RFX2: variants seen among roughly 807,000 people sequenced by gnomAD.
The protein encoded by RFX2 is DNA-binding protein RFX2.
In RFX2, 20 loss-of-function variants were observed where a neutral mutation model predicts 87.8. The observed-to-expected ratio is 0.23, with a 90% CI of 0.16 to 0.33. RFX2 has a LOEUF of 0.33. Among genes scored for constraint, RFX2 ranks in the 10% least tolerant of loss-of-function variants. The pLI is 1.00. For missense variants in RFX2, 767 were observed against 1,012.3 expected, an observed-to-expected ratio of 0.76 and a Z score of 3.29; for synonymous variants, 397 against 431.3, an observed-to-expected ratio of 0.92 and a Z score of 0.98.
At position 6,027,229 on chromosome 19, in the gene RFX2, T is replaced by C. The variant is rs557874953; in HGVS notation, c.523-992A>G. On this transcript the variant is annotated intron_variant, in intron 5 of 17. Transcript: ENST00000303657. The surrounding 1 kb of genome is among the most constrained non-coding windows in gnomAD (Gnocchi z 5.0). Reference sequence around the variant, plus strand: ...AGAGAGCAGGCGAGCGGAGCTGAGTTCAAGAATGAGAGGGTAACTGCTTCT... The same window carrying C: ...AGAGAGCAGGCGAGCGGAGCTGAGTCCAAGAATGAGAGGGTAACTGCTTCT... The C allele has an allele frequency of 6.6e-6, 1 of 152,246 alleles. No homozygotes were observed. Among genetic ancestry groups the C allele is most frequent in the South Asian group, 2.1e-4 (1 of 4,816 alleles). The allele number at this position is 152,246 out of a possible 1,614,324, so 9.4% of individuals were successfully genotyped here. A position where few individuals can be genotyped will look rare whatever the true frequency, so the allele number is the denominator to read the frequency against.
chr19:6,022,970 C>T lies in RFX2; in HGVS notation c.597+3193G>A, dbSNP rs1316476530. ...AGCTCCGCGGAACACGTGGCCAGCTCCGCTCAGAGATGTCTGTGAGGGGTT... is the reference window on the plus strand; with the variant it reads ...AGCTCCGCGGAACACGTGGCCAGCTTCGCTCAGAGATGTCTGTGAGGGGTT... On this transcript the variant is annotated intron_variant, in intron 6 of 17. Transcript: ENST00000303657. The surrounding 1 kb of genome is among the most constrained non-coding windows in gnomAD (Gnocchi z 6.2). The T allele has an allele frequency of 1.3e-5, 2 of 152,366 alleles. No individual in the cohort carries two copies. The highest frequency in any genetic ancestry group is 4.8e-5 in the African/African-American group (2 of 41,460). 9.4% of individuals were successfully genotyped at this position (152,366 alleles called of 1,614,324 possible). A position where few individuals can be genotyped will look rare whatever the true frequency, so the allele number is the denominator to read the frequency against.
chr19:6,095,196 T>C (rs1288417375), intron 1 of RFX2, among the ~76,000 whole-genome samples: 2 of 152,252 alleles, frequency 1.3e-5, no homozygotes, highest in African/African-American at 4.8e-5. Context: ...GTTATGTTTC[T>C]TTATTGGCCG....
rs187180168 is a variant in RFX2, at chr19:6,021,127, A to G, written c.598-4856T>C. On this transcript the variant is annotated intron_variant, in intron 6 of 17. Transcript: ENST00000303657. This position sits in a 1 kb window ranked among gnomAD's most constrained non-coding sequence, Gnocchi z 5.7. The stretch of plus-strand genomic sequence containing the variant: ...ATTCCTGGGGGCAAATTTGCCTGAC[A>G]CTGGCTCCTGGTGGTGAGTTAGAGT... 7.3e-4 allele frequency among the ~76,000 whole-genome samples: 111 copies of G among 152,258 alleles called. 1 individual carries two copies. In the East Asian group the frequency reaches 0.02, roughly 28 times the overall value.
chr19:6,038,194 G>A (rs971067315), intron 5 of RFX2, among the ~76,000 whole-genome samples: 2 of 151,836 alleles, frequency 1.3e-5, no homozygotes, highest in Admixed American at 6.6e-5. Flanking sequence ...GGGTGTGGTG[G>A]TACACACCTG....
In RFX2 at chr19:6,021,194, C is replaced by T. The variant is rs2086806389; in HGVS notation, c.598-4923G>A. 6.6e-6 allele frequency among the ~76,000 whole-genome samples: 1 copy of T among 152,224 alleles called. No homozygotes were observed. The highest frequency in any genetic ancestry group is 1.5e-5 in the Non-Finnish European group (1 of 68,048). ...CTAGCAGCTCGGGCAGCTATTCCAA[C>T]CGTCCAGGTGTGCCCTGTGTTGACA... is the stretch of plus-strand genomic sequence containing the variant. On this transcript the variant is annotated intron_variant, in intron 6 of 17. Transcript: ENST00000303657. This position sits in a 1 kb window ranked among gnomAD's most constrained non-coding sequence, Gnocchi z 5.7.
rs1327008123 is a variant in RFX2, at chr19:6,017,593, C to T, written c.598-1322G>A. Among the ~76,000 whole-genome samples, 2 of 152,216 alleles carry T rather than the reference C, an allele frequency of 1.3e-5. No individual in the cohort carries two copies. Among genetic ancestry groups the T allele is most frequent in the Non-Finnish European group, 2.9e-5 (2 of 68,030 alleles). On this transcript the variant is annotated intron_variant, in intron 6 of 17. Transcript: ENST00000303657. The surrounding 1 kb of genome is among the most constrained non-coding windows in gnomAD (Gnocchi z 4.1). ...AGTCCAGATCCCATGTCAAGAGCGT[C>T]GGGGGAAACCAGCTGTCTCTACCTG...
At chr19:6,038,691 T>G (rs2144760102) in intron 5 of RFX2, among the ~76,000 whole-genome samples, 1 of 150,810 alleles carries the variant, frequency 6.6e-6, no homozygotes, top group South Asian at 2.1e-4. Flanking sequence ...AAGTGACACC[T>G]GACCAGAGCA....
chr19:6,030,143 A>G (rs866598588), intron 5 of RFX2, among the ~76,000 whole-genome samples: 1 of 152,230 alleles, frequency 6.6e-6, no homozygotes, highest in South Asian at 2.1e-4. Context: ...AACTAAATCT[A>G]TACACTCAAC....
chr19:6,063,831 C>A lies in RFX2; in HGVS notation c.-8-16327G>T, dbSNP rs912505220. Among the ~76,000 whole-genome samples, 1 of 152,208 alleles carries A rather than the reference C, an allele frequency of 6.6e-6. No individual in the cohort carries two copies. The highest frequency in any genetic ancestry group is 2.4e-5 in the African/African-American group (1 of 41,458). On this transcript the variant is annotated intron_variant, in intron 1 of 17. Transcript: ENST00000303657. This position sits in a 1 kb window ranked among gnomAD's most constrained non-coding sequence, Gnocchi z 4.0. The stretch of plus-strand genomic sequence containing the variant: ...CTCCATGCCAGGAAACCCCCCGACC[C>A]CTGTCTGACAGCCACAAATGTCTCC...
At chr19:6,000,283 C>T (rs544259012) in intron 15 of RFX2, among the ~76,000 whole-genome samples, 59 of 152,270 alleles carry the variant, frequency 3.9e-4, no homozygotes, top group African/African-American at 1.4e-3. Context: ...CTGCGCCCGG[C>T]CAGGCAAACT....
At chr19:6,031,315 AAG>A in intron 5 of RFX2, among the ~76,000 whole-genome samples, 1 of 152,194 alleles carries the variant, frequency 6.6e-6, no homozygotes, top group Admixed American at 6.5e-5. Context: ...CACAATAGTA[AAG>A]AGATGTGTGC....
At chr19:6,049,470 C>T (rs1805079236) in intron 1 of RFX2, among the ~76,000 whole-genome samples, 1 of 152,214 alleles carries the variant, frequency 6.6e-6, no homozygotes, top group African/African-American at 2.4e-5. Context: ...AATGCACCTT[C>T]CAGAAAGCAA....
rs11666695 is a variant in RFX2, at chr19:6,044,714, C to T, written c.91-432G>A. ...TGCTGGGGCCCTCTGGATAGCCATC[C>T]GCACCACTGCGTGGGAGAGCACTCT... On this transcript the variant is annotated intron_variant, in intron 2 of 17. Transcript: ENST00000303657. The surrounding 1 kb of genome is among the most constrained non-coding windows in gnomAD (Gnocchi z 5.3). Among the ~76,000 whole-genome samples, 25,308 of 152,246 alleles carry T rather than the reference C, an allele frequency of 0.17. 2,356 individuals are homozygous for T. Among genetic ancestry groups the T allele is most frequent in the Middle Eastern group, 0.23 (69 of 294 alleles).
At chr19:6,078,609 T>C (rs1466770891) in intron 1 of RFX2, among the ~76,000 whole-genome samples, 1 of 152,026 alleles carries the variant, frequency 6.6e-6, no homozygotes, top group Non-Finnish European at 1.5e-5. Context: ...TACTATAAAA[T>C]AGGTAAAGGG....
In RFX2 at chr19:6,040,320, A is replaced by T. The variant is rs1347883801; in HGVS notation, c.261-79T>A. ...TCTGAGTTCACAGATATCCAGCCAA[A>T]CATCACGTAAAAGCTGCAACCCAGA... On this transcript the variant is annotated intron_variant, in intron 4 of 17. Transcript: ENST00000303657. The surrounding 1 kb of genome is among the most constrained non-coding windows in gnomAD (Gnocchi z 6.1). 1 of 1,429,972 alleles carries T rather than the reference A, an allele frequency of 7.0e-7. No homozygotes were observed. The highest frequency in any genetic ancestry group is 1.5e-5 in the South Asian group (1 of 65,272). The allele number at this position is 1,429,972 out of a possible 1,614,324, so 88.6% of individuals were successfully genotyped here.
intron 1 of RFX2, among the ~76,000 whole-genome samples, chr19:6,082,447 C>G (rs1479153147): frequency 6.6e-6 from 1 of 151,862 alleles, no homozygotes; most frequent in African/African-American, 2.4e-5. Context: ...TTCTTTTTTT[C>G]TTTGAGACAG....
At chr19:6,000,555 T>G (rs2086477472) in intron 15 of RFX2, among the ~76,000 whole-genome samples, 1 of 152,190 alleles carries the variant, frequency 6.6e-6, no homozygotes, top group African/African-American at 2.4e-5. Context: ...GAGACAGATG[T>G]TTCCTGTGCT....
chr19:6,055,141 C>T (rs2087317420), intron 1 of RFX2, among the ~76,000 whole-genome samples: 1 of 152,154 alleles, frequency 6.6e-6, no homozygotes, highest in Non-Finnish European at 1.5e-5. Flanking sequence ...CAAATTCAAA[C>T]TATATCAAGA....
intron 7 of RFX2, 127 bp downstream of exon 7, chr19:6,015,963 A>C (rs1382448756): frequency 1.2e-6 from 1 of 813,376 alleles, no homozygotes; most frequent in Admixed American, 3.4e-5. Flanking sequence ...AAGTAACTGC[A>C]AGCACTCCAG....
Sources: gnomAD v4.1 joint callset for allele counts (sites outside exome capture counted in the v4.1 genomes callset) on GRCh38, gnomAD v4.1.1 for gene constraint, Gnocchi (gnomAD v3.1) non-coding constraint, MANE v1.5 for transcripts, NCBI Gene and HGNC (gene_info 2026-07-23, HGNC 2026-07-21) for gene names.